Variants in UBTD2 observed in about 807,000 individuals in gnomAD.
UBTD2 encodes ubiquitin domain containing 2, also known as ubiquitin domain-containing protein 2.
UBTD2 carries 9 observed loss-of-function variants against 19.8 expected under a neutral mutation model. The observed-to-expected ratio is 0.46, with a 90% confidence interval of 0.27 to 0.79. UBTD2 has a LOEUF of 0.79. Ranked by LOEUF, UBTD2 falls within the 30% of genes least tolerant of loss-of-function variation. The pLI is 0.14. For synonymous variants in UBTD2, 98 were observed against 103.9 expected, an observed-to-expected ratio of 0.94 and a Z score of 0.35; for missense variants, 250 against 300.4, an observed-to-expected ratio of 0.83 and a Z score of 1.24.
chr5:172,229,092 C>T (rs1771835681), intron 2 of UBTD2, among the ~76,000 whole-genome samples: 1 of 152,100 alleles, frequency 6.6e-6, no homozygotes, highest in Admixed American at 6.6e-5. Context: ...GAACTGGCAA[C>T]ATTTAGCTAT....
At chr5:172,258,858 G>A (rs957245933) in intron 1 of UBTD2, among the ~76,000 whole-genome samples, 3 of 152,122 alleles carry the variant, frequency 2.0e-5, no homozygotes, top group African/African-American at 7.2e-5. Context: ...GGCAGACTAG[G>A]GGGTTTTCTA....
intron 1 of UBTD2, among the ~76,000 whole-genome samples, chr5:172,256,508 A>G (rs1755154878): frequency 6.7e-6 from 1 of 149,450 alleles, no homozygotes; most frequent in Non-Finnish European, 1.5e-5. Flanking sequence ...CTGGGACTAC[A>G]GGTGCATGCC....
At chr5:172,240,250 C>A (rs1455556140) in intron 1 of UBTD2, among the ~76,000 whole-genome samples, 1 of 152,122 alleles carries the variant, frequency 6.6e-6, no homozygotes, top group Non-Finnish European at 1.5e-5. Flanking sequence ...TGTGGCTTTA[C>A]GGCCTATCAC....
chr5:172,239,064 C>T (rs1299221948), intron 1 of UBTD2, among the ~76,000 whole-genome samples: 1 of 149,814 alleles, frequency 6.7e-6, no homozygotes, highest in Non-Finnish European at 1.5e-5. Flanking sequence ...CATATATTCC[C>T]TTTACCTAAA....
chr5:172,267,892 A>C (rs78800799), intron 1 of UBTD2, among the ~76,000 whole-genome samples: 2,967 of 152,368 alleles, frequency 0.019, 79 homozygotes, highest in African/African-American at 0.068. Flanking sequence ...GTCATAAAGA[A>C]ACGGAAGATG....
chr5:172,221,680 T>C (rs1225702692), intron 2 of UBTD2, among the ~76,000 whole-genome samples: 1 of 152,168 alleles, frequency 6.6e-6, no homozygotes, highest in Admixed American at 6.5e-5. Context: ...AGGTCAATGG[T>C]TGCCATGGGG....
At chr5:172,244,879 C>G (rs1311364198) in intron 1 of UBTD2, among the ~76,000 whole-genome samples, 1 of 152,068 alleles carries the variant, frequency 6.6e-6, no homozygotes, top group Non-Finnish European at 1.5e-5. Flanking sequence ...CAGGCACCTG[C>G]CACCACGCCC....
At chr5:172,227,692 ATTCTTTTTTT>A (rs749578439) in intron 2 of UBTD2, among the ~76,000 whole-genome samples, 1 of 129,562 alleles carries the variant, frequency 7.7e-6, no homozygotes, top group African/African-American at 2.9e-5. Context: ...CAAATGAAAA[ATTCTTTTTTT>A]TTTTTTTTTT....
At chr5:172,256,192 A>C (rs1023657160) in intron 1 of UBTD2, among the ~76,000 whole-genome samples, 3 of 152,180 alleles carry the variant, frequency 2.0e-5, no homozygotes, top group Non-Finnish European at 4.4e-5. Flanking sequence ...TTCCTGTTAC[A>C]TTCCCAAACC....
intron 1 of UBTD2, among the ~76,000 whole-genome samples, chr5:172,251,080 C>A (rs1211183583): frequency 1.3e-5 from 2 of 151,494 alleles, no homozygotes; most frequent in South Asian, 4.2e-4. Context: ...TTCGGGAGGC[C>A]GAGGCGGGCG....
chr5:172,242,677 G>A (rs1053761712), intron 1 of UBTD2, among the ~76,000 whole-genome samples: 6 of 152,136 alleles, frequency 3.9e-5, no homozygotes, highest in African/African-American at 9.7e-5. Flanking sequence ...TGAATGTCAC[G>A]TCTATGGTAT....
At chr5:172,241,884 T>A (rs541277599) in intron 1 of UBTD2, among the ~76,000 whole-genome samples, 2 of 152,064 alleles carry the variant, frequency 1.3e-5, no homozygotes, top group Non-Finnish European at 2.9e-5. Context: ...CTGGGTGTAG[T>A]TGTATATACC....
At position 172,283,742 on chromosome 5, in the gene UBTD2, G is replaced by C; in HGVS notation, c.-77C>G. On this transcript the variant is annotated 5_prime_UTR_variant, in exon 1 of 3. Coordinates refer to ENST00000393792, the MANE Select transcript of UBTD2 (RefSeq NM_152277.3). This position sits in a 1 kb window ranked among gnomAD's most constrained non-coding sequence, Gnocchi z 4.3. ...CGCCGCCGCCGCTGCAGCCTCCTCC[G>C]GCGCCACCGCCGAGCTCCGGACAGG... The C allele has an allele frequency of 3.7e-6, 4 of 1,073,500 alleles. No homozygotes were observed. The highest frequency in any genetic ancestry group is 4.2e-5 in the East Asian group (1 of 23,670). 66.5% of individuals were successfully genotyped at this position (1,073,500 alleles called of 1,614,324 possible).
chr5:172,270,942 G>C (rs2113122164), intron 1 of UBTD2, among the ~76,000 whole-genome samples: 1 of 152,106 alleles, frequency 6.6e-6, no homozygotes, highest in Non-Finnish European at 1.5e-5. Flanking sequence ...CTCACAACTT[G>C]GTCTACTTAT....
At chr5:172,223,586 CAAAAAAAAAAAAAA>C (rs577474758) in intron 2 of UBTD2, among the ~76,000 whole-genome samples, 258 of 33,126 alleles carry the variant, frequency 7.8e-3, no homozygotes, top group African/African-American at 0.026. Context: ...GCGACGGAGT[CAAAAAAAAAAAAAA>C]AAAAAAAAAA....
chr5:172,273,606 AAAAAAAAAAAAAAG>A (rs1199249251), intron 1 of UBTD2, among the ~76,000 whole-genome samples: 116 of 126,884 alleles, frequency 9.1e-4, no homozygotes, highest in African/African-American at 1.1e-3. Flanking sequence ...AAAAAAAAAA[AAAAAAAAAAAAAAG>A]GCTTTCCAAC....
At chr5:172,258,825 A>G (rs72846905) in intron 1 of UBTD2, among the ~76,000 whole-genome samples, 5,130 of 152,282 alleles carry the variant, frequency 0.034, 98 homozygotes, top group African/African-American at 0.055. Context: ...ACTTTGCTAA[A>G]GTTTCCGATC....
At chr5:172,224,597 T>C (rs527435888) in intron 2 of UBTD2, among the ~76,000 whole-genome samples, 1 of 152,280 alleles carries the variant, frequency 6.6e-6, no homozygotes, top group East Asian at 1.9e-4. Context: ...GGCCAAGATC[T>C]GATGGTTTTA....
chr5:172,233,999 G>T, intron 2 of UBTD2, 123 bp downstream of exon 2: 1 of 964,696 alleles, frequency 1.0e-6, no homozygotes, highest in Non-Finnish European at 1.6e-6. Context: ...GCTATTCCTT[G>T]CTACATTAAA....
Sources: gnomAD v4.1 joint callset for allele counts (sites outside exome capture counted in the v4.1 genomes callset) on GRCh38, gnomAD v4.1.1 for gene constraint, Gnocchi (gnomAD v3.1) non-coding constraint, MANE v1.5 for transcripts, NCBI Gene and HGNC (gene_info 2026-07-23, HGNC 2026-07-21) for gene names.